Variants in CSMD1 observed in about 807,000 individuals in gnomAD.
The protein encoded by CSMD1 is CUB and sushi domain-containing protein 1.
In CSMD1, 213 loss-of-function variants were observed where a neutral mutation model predicts 417.5. That is an observed-to-expected ratio of 0.51 (90% CI 0.46 to 0.57). The LOEUF is 0.57. Ranked by LOEUF, CSMD1 falls within the 20% of genes least tolerant of loss-of-function variation. The probability of loss-of-function intolerance (pLI) is 0.00; values close to 1 mark genes in which losing one functional copy is unlikely to be tolerated. For synonymous variants in CSMD1, 2,862 were observed against 1,736.8 expected (o/e 1.65, Z -16.11); for missense variants, 6,923 against 4,529.7 (o/e 1.53, Z -15.17).
Position 4,419,030 on chromosome 8 carries a change from G to A in CSMD1, c.415+923C>T, listed in dbSNP as rs1049584436. 5.9e-5 allele frequency among the ~76,000 whole-genome samples: 9 copies of A among 152,142 alleles called. No individual in the cohort carries two copies. The East Asian group carries it at 7.7e-4, about 13-fold the overall frequency. On this transcript the variant is annotated intron_variant, in intron 3 of 69. Coordinates refer to ENST00000635120, the MANE Select transcript of CSMD1 (RefSeq NM_033225.6). ...ACAGCCACCCATTTGCACAAACCAC[G>A]TGTATATTTTAACTTCCCACAAAAT...
chr8:3,935,882 G>C (rs1342298219), intron 5 of CSMD1, among the ~76,000 whole-genome samples: 3 of 152,126 alleles, frequency 2.0e-5, no homozygotes, highest in African/African-American at 7.2e-5. Flanking sequence ...AGTGAGAAAA[G>C]TATACTTAAA....
intron 3 of CSMD1, among the ~76,000 whole-genome samples, chr8:4,419,495 A>G (rs2128939376): frequency 6.6e-6 from 1 of 152,282 alleles, no homozygotes; most frequent in African/African-American, 2.4e-5. Context: ...ATGATCAAAC[A>G]ACAGTAAAAG....
intron 3 of CSMD1, among the ~76,000 whole-genome samples, chr8:4,102,082 C>T (rs1212307571): frequency 6.6e-6 from 1 of 152,168 alleles, no homozygotes; most frequent in Non-Finnish European, 1.5e-5. Flanking sequence ...CTGCGCTGCA[C>T]TAATTTCTGA....
chr8:3,502,767 G>A (rs902186560), intron 10 of CSMD1, among the ~76,000 whole-genome samples: 3 of 152,166 alleles, frequency 2.0e-5, no homozygotes, highest in South Asian at 2.1e-4. Flanking sequence ...CTCTCTGTGT[G>A]ATGTTATAAT....
chr8:3,306,530 T>G (rs2194356), intron 25 of CSMD1, among the ~76,000 whole-genome samples: 2 of 152,078 alleles, frequency 1.3e-5, no homozygotes, highest in African/African-American at 4.8e-5. Context: ...GCAGCTGGGC[T>G]GATTCATTTA....
chr8:3,531,302 G>C (rs555848101), intron 10 of CSMD1, among the ~76,000 whole-genome samples: 68 of 152,260 alleles, frequency 4.5e-4, no homozygotes, highest in African/African-American at 1.5e-3. Context: ...TGTTGTGTGA[G>C]TACTAGTAAT....
chr8:4,864,648 C>T (rs961878954), intron 1 of CSMD1, among the ~76,000 whole-genome samples: 1 of 151,528 alleles, frequency 6.6e-6, no homozygotes, highest in African/African-American at 2.4e-5. Context: ...AATGAATACA[C>T]ACAAGCAGAT....
At chr8:4,551,876 T>G (rs1032207492) in intron 2 of CSMD1, among the ~76,000 whole-genome samples, 1 of 146,944 alleles carries the variant, frequency 6.8e-6, no homozygotes, top group African/African-American at 2.5e-5. Flanking sequence ...TTTGTAGAGA[T>G]GGGGTATCAC....
chr8:3,335,250 T>C (rs779662604), intron 23 of CSMD1, among the ~76,000 whole-genome samples: 4 of 152,180 alleles, frequency 2.6e-5, no homozygotes, highest in African/African-American at 9.7e-5. Context: ...GTGTTACGAA[T>C]TCACAGTTCC....
chr8:4,240,783 G>C (rs1802352039), intron 3 of CSMD1, among the ~76,000 whole-genome samples: 1 of 152,154 alleles, frequency 6.6e-6, no homozygotes, highest in South Asian at 2.1e-4. Context: ...TAATAAAAGT[G>C]ACAGCCAAAA....
At chr8:3,478,252 T>A (rs998674846) in intron 11 of CSMD1, among the ~76,000 whole-genome samples, 2 of 152,240 alleles carry the variant, frequency 1.3e-5, no homozygotes, top group Non-Finnish European at 2.9e-5. Flanking sequence ...TATAAATTGT[T>A]CACGTGCGGA....
chr8:3,405,978 T>C (rs10097933), intron 15 of CSMD1, 49 bp downstream of exon 15: 113,488 of 1,563,806 alleles, frequency 0.073, 5,712 homozygotes, highest in African/African-American at 0.24. Flanking sequence ...TGCCTGAAGA[T>C]AGATGTGTGA....
At chr8:4,903,558 C>T (rs1021469057) in intron 1 of CSMD1, among the ~76,000 whole-genome samples, 1 of 152,178 alleles carries the variant, frequency 6.6e-6, no homozygotes, top group African/African-American at 2.4e-5. Context: ...AGCATGTGGT[C>T]TCTCTGGTGG....
intron 1 of CSMD1, among the ~76,000 whole-genome samples, chr8:4,949,684 G>C (rs983677733): frequency 1.3e-5 from 2 of 152,130 alleles, no homozygotes; most frequent in South Asian, 4.1e-4. Context: ...TACTGCATTA[G>C]TTATTATGAG....
chr8:4,756,823 G>T (rs1676953), intron 1 of CSMD1, among the ~76,000 whole-genome samples: 117,873 of 151,824 alleles, frequency 0.78, 45,957 homozygotes, highest in African/African-American at 0.83. Flanking sequence ...TAGAAGAGCT[G>T]GGCCCAGGTA....
At chr8:3,840,786 C>G (rs1293518133) in intron 5 of CSMD1, among the ~76,000 whole-genome samples, 1 of 150,006 alleles carries the variant, frequency 6.7e-6, no homozygotes, top group Non-Finnish European at 1.5e-5. Context: ...ACGTCCGCCT[C>G]CTGGGTTCAA....
chr8:3,524,458 T>C (rs1223113513), intron 10 of CSMD1, among the ~76,000 whole-genome samples: 1 of 146,012 alleles, frequency 6.8e-6, no homozygotes, highest in African/African-American at 2.6e-5. Flanking sequence ...CATGCACATA[T>C]GCATGCACAC....
chr8:4,077,297 G>GTATATATATATATATATATATATATATA (rs200304943), intron 3 of CSMD1, among the ~76,000 whole-genome samples: 1 of 121,290 alleles, frequency 8.2e-6, no homozygotes, highest in Non-Finnish European at 1.7e-5. Context: ...ATATATATGT[G>GTATATATATATATATATATATATATATA]TATATATATA....
At chr8:3,442,867 C>G (rs532988131) in intron 12 of CSMD1, among the ~76,000 whole-genome samples, 4 of 152,106 alleles carry the variant, frequency 2.6e-5, no homozygotes, top group African/African-American at 9.6e-5. Flanking sequence ...GTTTTGGCCT[C>G]AGAATATTAT....
Sources: allele counts gnomAD v4.1 joint callset (sites outside exome capture counted in the v4.1 genomes callset), GRCh38; gene constraint gnomAD v4.1.1; transcripts MANE v1.5; gene names NCBI Gene and HGNC (gene_info 2026-07-23, HGNC 2026-07-21).